DCAF5: variants seen among roughly 807,000 people sequenced by gnomAD.
DCAF5 encodes DDB1- and CUL4-associated factor 5.
Under a neutral mutation model 80.7 loss-of-function variants are expected in DCAF5, and 9 were observed. The ratio of observed to expected loss-of-function variants is 0.11; its 90% confidence interval spans 0.07 to 0.19. The LOEUF (loss-of-function observed/expected upper bound fraction) is 0.19, where lower values mean the gene tolerates loss of function less well. Ranked by LOEUF, DCAF5 falls within the 10% of genes least tolerant of loss-of-function variation. The pLI is 1.00. For synonymous variants in DCAF5, 433 were observed against 461.9 expected, an observed-to-expected ratio of 0.94 and a Z score of 0.80; for missense variants, 842 against 1,205.7, an observed-to-expected ratio of 0.70 and a Z score of 4.47.
At position 69,115,838 on chromosome 14, in the gene DCAF5, G is replaced by A. The variant is rs1225412290; in HGVS notation, c.665+528C>T. Among the ~76,000 whole-genome samples, 4 of 152,220 alleles carry A rather than the reference G, an allele frequency of 2.6e-5. No individual in the cohort carries two copies. In the East Asian group the frequency reaches 7.7e-4, roughly 29 times the overall value. ...AACCTTTTGTTGTTGTCACTATAAA[G>A]GTCATTAGTCCTTTTGATAAACAGA... On this transcript the variant is annotated intron_variant, in intron 5 of 8. Transcript: ENST00000341516.
chr14:69,058,538 A>G (rs1359975299), intron 8 of DCAF5, among the ~76,000 whole-genome samples: 1 of 76,114 alleles, frequency 1.3e-5, no homozygotes, highest in African/African-American at 3.1e-5. Flanking sequence ...AAAAAAATAC[A>G]TATATATATA....
Position 69,053,937 on chromosome 14 carries a change from T to C in DCAF5, c.2749A>G (p.Ser917Gly). 6.2e-7 allele frequency: 1 copy of C among 1,612,942 alleles called. No individual in the cohort carries two copies. Among genetic ancestry groups the C allele is most frequent in the Non-Finnish European group, 8.5e-7 (1 of 1,179,692 alleles). ...TCAATTCGTTGCCTTTTGAGGCCAC[T>C]GTGGCCATGAACAGCCCTGCTACTA... ...TDSSRAVHGH[S>G]GLKRQRIELE... Residue 917 changes from serine to glycine, a missense_variant, in exon 9 of 9, where the codon AGT (serine) becomes GGT (glycine). Ser to Gly is a moderately conservative substitution (Grantham distance 56). This residue lies in a region of DCAF5 where 607 missense variants were observed against 656.6 expected (regional missense o/e 0.92). Coordinates refer to ENST00000341516, the MANE Select transcript of DCAF5 (RefSeq NM_003861.3).
intron 5 of DCAF5, among the ~76,000 whole-genome samples, chr14:69,100,024 A>T (rs1224449150): frequency 6.6e-6 from 1 of 152,230 alleles, no homozygotes; most frequent in African/African-American, 2.4e-5. Context: ...AAGAAAGTAG[A>T]TTCATCTACC....
intron 5 of DCAF5, among the ~76,000 whole-genome samples, chr14:69,114,018 C>A (rs190845453): frequency 2.9e-4 from 44 of 152,246 alleles, no homozygotes; most frequent in African/African-American, 9.9e-4. Context: ...TAAAACCTTA[C>A]CCATAATTGA....
intron 7 of DCAF5, among the ~76,000 whole-genome samples, chr14:69,074,409 G>T (rs971120423): frequency 6.6e-6 from 1 of 152,186 alleles, no homozygotes; most frequent in East Asian, 1.9e-4. Context: ...AAAAGAAAAG[G>T]GGGGGGAAAC....
intron 2 of DCAF5, among the ~76,000 whole-genome samples, chr14:69,119,875 C>A (rs1404182805): frequency 6.6e-6 from 1 of 152,018 alleles, no homozygotes; most frequent in South Asian, 2.1e-4. Context: ...TTTCTATGAC[C>A]TAACTTTTTA....
At chr14:69,059,014 T>C (rs1444081797) in intron 8 of DCAF5, among the ~76,000 whole-genome samples, 6 of 152,110 alleles carry the variant, frequency 3.9e-5, no homozygotes, top group Non-Finnish European at 7.4e-5. Flanking sequence ...AAGGATGCAG[T>C]TCAATTCTTA....
At chr14:69,141,139 TAAAAAA>T (rs11396838) in intron 1 of DCAF5, among the ~76,000 whole-genome samples, 7 of 59,426 alleles carry the variant, frequency 1.2e-4, no homozygotes, top group African/African-American at 3.2e-4. Flanking sequence ...ATCTCAAATT[TAAAAAA>T]AAAAAAAAAA....
chr14:69,143,853 T>G (rs1364640449), intron 1 of DCAF5: 3 of 152,572 alleles, frequency 2.0e-5, no homozygotes. Flanking sequence ...ATCATTTTTT[T>G]ATGACTAGTC....
chr14:69,093,614 A>T (rs2039602532), intron 5 of DCAF5, among the ~76,000 whole-genome samples: 1 of 152,216 alleles, frequency 6.6e-6, no homozygotes, highest in Non-Finnish European at 1.5e-5. Context: ...AAACCACAGT[A>T]CAAAGGCAGC....
At chr14:69,073,507 G>C (rs1382305405) in intron 7 of DCAF5, among the ~76,000 whole-genome samples, 4 of 152,028 alleles carry the variant, frequency 2.6e-5, no homozygotes, top group African/African-American at 9.7e-5. Context: ...GCAGCAGGGG[G>C]CTGGGCACAG....
intron 5 of DCAF5, among the ~76,000 whole-genome samples, chr14:69,093,888 C>A (rs2039611418): frequency 6.6e-6 from 1 of 152,200 alleles, no homozygotes; most frequent in Admixed American, 6.5e-5. Context: ...GTAATCCCTG[C>A]AGAGAAATGC....
At chr14:69,103,158 AG>A (rs2040022861) in intron 5 of DCAF5, among the ~76,000 whole-genome samples, 1 of 152,254 alleles carries the variant, frequency 6.6e-6, no homozygotes, top group Non-Finnish European at 1.5e-5. Flanking sequence ...ATGAGTGAAA[AG>A]TCCAGTTGTA....
intron 7 of DCAF5, 74 bp downstream of exon 7, chr14:69,075,271 C>G: frequency 8.5e-7 from 1 of 1,171,586 alleles, no homozygotes; most frequent in Non-Finnish European, 1.2e-6. Flanking sequence ...AAAGATCTGT[C>G]CCCTCAGGGC....
At chr14:69,150,520 G>A (rs1032987183) in intron 1 of DCAF5, among the ~76,000 whole-genome samples, 3 of 152,216 alleles carry the variant, frequency 2.0e-5, no homozygotes, top group East Asian at 1.9e-4. Flanking sequence ...AGAACATTTC[G>A]TGCTTTTAAA....
At chr14:69,106,344 C>T (rs980842898) in intron 5 of DCAF5, among the ~76,000 whole-genome samples, 3 of 152,020 alleles carry the variant, frequency 2.0e-5, no homozygotes, top group African/African-American at 7.2e-5. Context: ...GCATGAGCCA[C>T]CGTGCCCACC....
chr14:69,144,300 C>T lies in DCAF5; in HGVS notation c.214+8465G>A, dbSNP rs183028293. ...GATTAAAGGGGCACAAGGCCAGGCGCGGTGGCTCACGCCTGTAATCACAGC... is the reference window on the plus strand; with the variant it reads ...GATTAAAGGGGCACAAGGCCAGGCGTGGTGGCTCACGCCTGTAATCACAGC... On this transcript the variant is annotated intron_variant, in intron 1 of 8. Transcript: ENST00000341516. 9.9e-5 allele frequency among the ~76,000 whole-genome samples: 15 copies of T among 151,844 alleles called. No homozygotes were observed. The South Asian group carries it at 2.3e-3, about 23-fold the overall frequency.
At chr14:69,142,122 C>T (rs1419546095) in intron 1 of DCAF5, among the ~76,000 whole-genome samples, 1 of 152,090 alleles carries the variant, frequency 6.6e-6, no homozygotes, top group African/African-American at 2.4e-5. Context: ...TAGTGAGATC[C>T]TGTCTCTACA....
At chr14:69,091,043 C>A (rs1259327249) in intron 6 of DCAF5, 4 of 732,300 alleles carry the variant, frequency 5.5e-6, no homozygotes, top group Non-Finnish European at 1.0e-5. Flanking sequence ...TGCAAGAAGG[C>A]CAAGTATATT....
Sources: gnomAD v4.1 joint callset for allele counts (sites outside exome capture counted in the v4.1 genomes callset) on GRCh38, gnomAD v4.1.1 for gene constraint, gnomAD v4.1.1 regional missense constraint, MANE v1.5 for transcripts, NCBI Gene and HGNC (gene_info 2026-07-23, HGNC 2026-07-21) for gene names.